RAB11FIP3: variants seen among roughly 807,000 people sequenced by gnomAD.
RAB11FIP3 encodes the protein rab11 family-interacting protein 3.
Under a neutral mutation model 77.8 loss-of-function variants are expected in RAB11FIP3, and 17 were observed. The observed-to-expected ratio is 0.22, with a 90% CI of 0.15 to 0.33. The LOEUF is 0.33. Among genes scored for constraint, RAB11FIP3 ranks in the 10% least tolerant of loss-of-function variants. The pLI, the probability that RAB11FIP3 is intolerant of heterozygous loss-of-function variation, is 1.00. For missense variants in RAB11FIP3, 1,005 were observed against 1,011.2 expected (o/e 0.99, Z 0.08); for synonymous variants, 437 against 448.2 (o/e 0.98, Z 0.31).
chr16:439,214 A>T (rs901775405), intron 1 of RAB11FIP3: 4 of 152,362 alleles, frequency 2.6e-5, no homozygotes, highest in African/African-American at 7.2e-5. Context: ...TAGGGAGGAA[A>T]ATAAATTCTT....
chr16:433,332 A>G (rs62030834), intron 1 of RAB11FIP3, among the ~76,000 whole-genome samples: 40,001 of 144,080 alleles, frequency 0.28, 6,901 homozygotes, highest in South Asian at 0.53. Context: ...CTCATTGCAT[A>G]TTTCTAACCA....
At chr16:477,657 G>T (rs1212817142) in intron 3 of RAB11FIP3, 2 of 985,350 alleles carry the variant, frequency 2.0e-6, no homozygotes, top group Non-Finnish European at 2.4e-6. Flanking sequence ...CCCAGGGACG[G>T]TGAGTAGCAC....
At chr16:478,184 A>G (rs1342141097) in intron 3 of RAB11FIP3, among the ~76,000 whole-genome samples, 1 of 147,110 alleles carries the variant, frequency 6.8e-6, no homozygotes, top group Non-Finnish European at 1.5e-5. Flanking sequence ...GTCTTAGCAC[A>G]CTGTCTACTT....
At chr16:488,338 C>T (rs554503323) in intron 4 of RAB11FIP3, among the ~76,000 whole-genome samples, 2 of 152,020 alleles carry the variant, frequency 1.3e-5, no homozygotes, top group Admixed American at 6.5e-5. Flanking sequence ...CGATATTGCA[C>T]GACTGCACTC....
chr16:520,621 C>T lies in RAB11FIP3; in HGVS notation c.2157+22C>T, dbSNP rs369352507. 51 of 1,612,028 alleles carry T rather than the reference C, an allele frequency of 3.2e-5. No homozygotes were observed. In the African/African-American group the frequency reaches 5.3e-4, roughly 17 times the overall value. ...TGAGGTAACACATCCCGTGTCTGCA[C>T]GGTGTGGCCTGGGGTCCACAGTCTG... On this transcript the variant is annotated intron_variant, in intron 13 of 13. Coordinates refer to ENST00000262305, the MANE Select transcript of RAB11FIP3 (RefSeq NM_014700.4).
intron 1 of RAB11FIP3, among the ~76,000 whole-genome samples, chr16:444,929 A>G (rs11861934): frequency 0.16 from 24,982 of 151,658 alleles, 3,628 homozygotes; most frequent in African/African-American, 0.39. Context: ...GCTGGCTAAC[A>G]TGGTGAAACC....
chr16:440,042 G>C (rs1451661875), intron 1 of RAB11FIP3, among the ~76,000 whole-genome samples: 1 of 151,942 alleles, frequency 6.6e-6, no homozygotes, highest in Non-Finnish European at 1.5e-5. Context: ...GGGTTTCACT[G>C]TGTTAGCCAG....
intron 1 of RAB11FIP3, among the ~76,000 whole-genome samples, chr16:455,529 G>A (rs1290380922): frequency 1.3e-5 from 2 of 152,020 alleles, no homozygotes; most frequent in South Asian, 2.1e-4. Flanking sequence ...ACTCAGCAGT[G>A]GTCAGTCCAT....
At chr16:489,901 C>T (rs1054433847) in intron 5 of RAB11FIP3, among the ~76,000 whole-genome samples, 4 of 152,316 alleles carry the variant, frequency 2.6e-5, no homozygotes, top group South Asian at 2.1e-4. Context: ...GCTCTGGTCC[C>T]GGCGAGCGTC....
chr16:461,382 T>C lies in RAB11FIP3; in HGVS notation c.715-22T>C. ...CCTGCTGTAAAGGCTTAGGGTAACC[T>C]AGTCTCATTTGGCAATTACAGGTGA... On this transcript the variant is annotated intron_variant, in intron 1 of 13. Coordinates refer to ENST00000262305, the MANE Select transcript of RAB11FIP3 (RefSeq NM_014700.4). The surrounding 1 kb of genome is among the most constrained non-coding windows in gnomAD (Gnocchi z 4.5). 12 of 1,604,808 alleles carry C rather than the reference T, an allele frequency of 7.5e-6. No homozygotes were observed. Among genetic ancestry groups the C allele is most frequent in the Non-Finnish European group, 1.0e-5 (12 of 1,172,398 alleles).
intron 1 of RAB11FIP3, among the ~76,000 whole-genome samples, chr16:443,723 G>T (rs1220838148): frequency 2.0e-5 from 3 of 152,068 alleles, no homozygotes; most frequent in African/African-American, 7.2e-5. Flanking sequence ...CCGCTACCAC[G>T]CCCGGCTAAT....
chr16:435,061 C>T (rs563549985), intron 1 of RAB11FIP3, among the ~76,000 whole-genome samples: 29 of 152,144 alleles, frequency 1.9e-4, no homozygotes, highest in African/African-American at 5.3e-4. Context: ...AAAAATTAGC[C>T]GGGCGTAGTG....
chr16:512,892 G>C (rs2032250084), intron 9 of RAB11FIP3, among the ~76,000 whole-genome samples: 2 of 152,018 alleles, frequency 1.3e-5, no homozygotes, highest in Admixed American at 6.6e-5. Context: ...GTGTGGCCCA[G>C]GCTGGTCTTG....
At chr16:458,931 C>T (rs2055555961) in intron 1 of RAB11FIP3, among the ~76,000 whole-genome samples, 1 of 152,122 alleles carries the variant, frequency 6.6e-6, no homozygotes, top group Non-Finnish European at 1.5e-5. Flanking sequence ...CACTGGTACC[C>T]ATCCCCAGTC....
At chr16:469,446 G>A (rs1489495379) in intron 2 of RAB11FIP3, among the ~76,000 whole-genome samples, 1 of 151,778 alleles carries the variant, frequency 6.6e-6, no homozygotes, top group Non-Finnish European at 1.5e-5. Context: ...CCAGGTTGGA[G>A]TATAGTGGCA....
intron 9 of RAB11FIP3, among the ~76,000 whole-genome samples, 188 bp downstream of exon 9, chr16:510,988 G>A (rs1428189272): frequency 6.8e-6 from 1 of 146,128 alleles, no homozygotes; most frequent in Non-Finnish European, 1.5e-5. Context: ...GAACCTGCAG[G>A]CCAGGTAGGA....
rs558085753 is a variant in RAB11FIP3 at position 510,933 on chromosome 16, C to T, written c.1640+133C>T. ...CCCGACAGCCCGCCAACCCCAGAAC[C>T]TGCAGGCCAGGTAGGAGAAGTTCCC... On this transcript the variant is annotated intron_variant, in intron 9 of 13. Transcript: ENST00000262305. The T allele has an allele frequency of 1.7e-4, 201 of 1,197,218 alleles. No homozygotes were observed. In the African/African-American group the frequency reaches 2.7e-3, roughly 16 times the overall value. The allele number at this position is 1,197,218 out of a possible 1,614,324, so 74.2% of individuals were successfully genotyped here. A position where few individuals can be genotyped will look rare whatever the true frequency, so the allele number is the denominator to read the frequency against.
intron 9 of RAB11FIP3, among the ~76,000 whole-genome samples, chr16:515,172 T>G (rs145817032): frequency 4.1e-4 from 63 of 152,344 alleles, no homozygotes; most frequent in African/African-American, 1.5e-3. Flanking sequence ...GCTGTGCGGC[T>G]CTTTATTTTC....
At chr16:492,419 G>A (rs8055461) in intron 5 of RAB11FIP3, among the ~76,000 whole-genome samples, 10,054 of 65,956 alleles carry the variant, frequency 0.15, 351 homozygotes, top group African/African-American at 0.31. Flanking sequence ...GGCCGCCCAG[G>A]GCCCTCCCCG....
Sources: allele counts gnomAD v4.1 joint callset (sites outside exome capture counted in the v4.1 genomes callset), GRCh38; gene constraint gnomAD v4.1.1; non-coding constraint Gnocchi (gnomAD v3.1); transcripts MANE v1.5; gene names NCBI Gene and HGNC (gene_info 2026-07-23, HGNC 2026-07-21).